Variants in ZNF710 observed in about 807,000 individuals in gnomAD.
ZNF710 encodes zinc finger protein 710.
Under a neutral mutation model 50.6 loss-of-function variants are expected in ZNF710, and 13 were observed. The ratio of observed to expected loss-of-function variants is 0.26; its 90% CI spans 0.17 to 0.41. The LOEUF (loss-of-function observed/expected upper bound fraction) is 0.41. Among genes scored for constraint, ZNF710 ranks in the 10% least tolerant of loss-of-function variants. The pLI is 1.00. For missense variants in ZNF710, 721 were observed against 936.6 expected (o/e 0.77, Z 3.01); for synonymous variants, 383 against 397.0 (o/e 0.96, Z 0.42).
chr15:90,073,996 A>C, intron 3 of ZNF710, 120 bp from the exon 4 acceptor site: 4 of 1,149,994 alleles, frequency 3.5e-6, no homozygotes, highest in Non-Finnish European at 4.6e-6. Flanking sequence ...TCTCAAAAAA[A>C]AAACAAAAAA....
intron 1 of ZNF710, among the ~76,000 whole-genome samples, chr15:90,008,897 G>A (rs1377419683): frequency 1.3e-5 from 2 of 152,162 alleles, no homozygotes; most frequent in Non-Finnish European, 2.9e-5. Context: ...TGTTGGAAAT[G>A]TGAGGATTTT....
At chr15:90,025,887 G>A (rs527619880) in intron 1 of ZNF710, 6 of 152,244 alleles carry the variant, frequency 3.9e-5, no homozygotes, top group African/African-American at 1.4e-4. Flanking sequence ...AGAATGTACT[G>A]ACAAATATTT....
In ZNF710 at chr15:90,068,664, A is replaced by G. The variant is rs1048796237; in HGVS notation, c.1458+69A>G. Reference sequence around the variant, plus strand: ...CCACTTTTTCATCCAGTACTTTCCAAAGTCCCAGATGGGACCATTTAGGTG... The same window carrying G: ...CCACTTTTTCATCCAGTACTTTCCAGAGTCCCAGATGGGACCATTTAGGTG... On this transcript the variant is annotated intron_variant, in intron 2 of 4. Transcript: ENST00000268154. This position sits in a 1 kb window ranked among gnomAD's most constrained non-coding sequence, Gnocchi z 5.0. 2.4e-5 allele frequency: 36 copies of G among 1,513,186 alleles called. No homozygotes were observed. The highest frequency in any genetic ancestry group is 1.1e-4 in the African/African-American group (8 of 72,582). The allele number at this position is 1,513,186 out of a possible 1,614,324, so 93.7% of individuals were successfully genotyped here. A position where few individuals can be genotyped will look rare whatever the true frequency, so the allele number is the denominator to read the frequency against.
rs1198676103 is a variant in ZNF710, at chr15:90,068,589, C to G, written c.1452C>G (p.Thr484=). 36 of 1,596,250 alleles carry G rather than the reference C, an allele frequency of 2.3e-5. No homozygotes were observed. In the East Asian group the frequency reaches 4.2e-4, roughly 19 times the overall value. The change falls in exon 2 of 5, where the codon ACC becomes ACG. Residue 484 remains threonine (T), a synonymous_variant. Transcript: ENST00000268154. This position sits in a 1 kb window ranked among gnomAD's most constrained non-coding sequence, Gnocchi z 5.0. ...ACCACCTCAAGCAGCACTCCCTCAC[C>G]CACAAGGTAAGGCCGTTCCCAGGGC... The part of the protein sequence containing the change: ...QIHHLKQHSL[T]HKGVKEFKCE...
rs777859859 is a variant in ZNF710, at chr15:90,079,751, G to A, written c.1917G>A (p.Ala639=). The change falls in exon 5 of 5, where the codon GCG becomes GCA. Residue 639 remains alanine (A), a synonymous_variant. Coordinates refer to ENST00000268154, the MANE Select transcript of ZNF710 (RefSeq NM_198526.4). ...TCGAGGAGAACGCCTACAGCTATGC[G>A]AGCGTGGACAGCAGCGCCGAGGCCA... The part of the protein sequence containing the change: ...EDFEENAYSY[A]SVDSSAEASV... 6 of 1,613,420 alleles carry A rather than the reference G, an allele frequency of 3.7e-6. No homozygotes were observed. Among genetic ancestry groups the A allele is most frequent in the African/African-American group, 1.3e-5 (1 of 74,872 alleles).
At chr15:90,019,442 AGAATCAC>A (rs1473598785) in intron 1 of ZNF710, among the ~76,000 whole-genome samples, 3 of 152,202 alleles carry the variant, frequency 2.0e-5, no homozygotes, top group Non-Finnish European at 2.9e-5. Context: ...TCTCCAGAAG[AGAATCAC>A]TGGGCCAAGG....
At chr15:90,001,686 G>A (rs1194027030) in intron 1 of ZNF710, 72 bp downstream of exon 1, 3 of 143,594 alleles carry the variant, frequency 2.1e-5, no homozygotes. Flanking sequence ...CGGCCGGCGG[G>A]GGCGCGGGGG....
At chr15:90,046,082 G>C (rs1899451519) in intron 1 of ZNF710, among the ~76,000 whole-genome samples, 1 of 152,132 alleles carries the variant, frequency 6.6e-6, no homozygotes, top group Non-Finnish European at 1.5e-5. Context: ...ATGGTCTCTG[G>C]GGGGACACAG....
At chr15:90,047,176 C>T (rs1334211148) in intron 1 of ZNF710, among the ~76,000 whole-genome samples, 1 of 151,974 alleles carries the variant, frequency 6.6e-6, no homozygotes, top group Non-Finnish European at 1.5e-5. Flanking sequence ...CCCAGTTTCC[C>T]AGGTGGCAGG....
chr15:90,008,865 T>C (rs548908466), intron 1 of ZNF710, among the ~76,000 whole-genome samples: 1 of 152,294 alleles, frequency 6.6e-6, no homozygotes, highest in African/African-American at 2.4e-5. Flanking sequence ...TGTGTGTTTA[T>C]TTCTGGGAGA....
intron 1 of ZNF710, among the ~76,000 whole-genome samples, chr15:90,044,454 A>C (rs977512249): frequency 1.3e-5 from 2 of 152,162 alleles, no homozygotes; most frequent in Non-Finnish European, 2.9e-5. Context: ...GGTCCACACG[A>C]CACAAGCTGG....
chr15:90,004,301 G>T (rs1201170738), intron 1 of ZNF710, among the ~76,000 whole-genome samples: 2 of 152,178 alleles, frequency 1.3e-5, no homozygotes, highest in Non-Finnish European at 2.9e-5. Context: ...GTTGTGTTTG[G>T]AAAGAAGCAC....
intron 1 of ZNF710, among the ~76,000 whole-genome samples, chr15:90,047,920 C>T (rs1337754560): frequency 6.6e-6 from 1 of 152,210 alleles, no homozygotes. Flanking sequence ...TATTTGGAAG[C>T]AGTCCCAGAG....
intron 1 of ZNF710, among the ~76,000 whole-genome samples, chr15:90,026,664 A>G (rs1442359458): frequency 6.6e-6 from 1 of 152,222 alleles, no homozygotes; most frequent in Non-Finnish European, 1.5e-5. Flanking sequence ...ATTCAATAAT[A>G]TATTAAACAA....
At chr15:90,046,821 G>A (rs989624830) in intron 1 of ZNF710, among the ~76,000 whole-genome samples, 7 of 152,198 alleles carry the variant, frequency 4.6e-5, no homozygotes, top group Non-Finnish European at 7.4e-5. Flanking sequence ...GTGGGTAAAG[G>A]TAGCAGGGAG....
At chr15:90,022,735 AT>A (rs1898660931) in intron 1 of ZNF710, among the ~76,000 whole-genome samples, 1 of 152,146 alleles carries the variant, frequency 6.6e-6, no homozygotes, top group Admixed American at 6.5e-5. Flanking sequence ...ATTCCTTTTC[AT>A]TTCGCCTAGA....
intron 1 of ZNF710, among the ~76,000 whole-genome samples, chr15:90,002,178 C>CA (rs1360563708): frequency 1.3e-5 from 2 of 151,470 alleles, no homozygotes; most frequent in African/African-American, 2.4e-5. Context: ...CGGCTGCCCA[C>CA]AAACTTTATT....
intron 1 of ZNF710, among the ~76,000 whole-genome samples, chr15:90,052,972 C>CGA (rs980910246): frequency 2.0e-5 from 3 of 151,296 alleles, no homozygotes; most frequent in Admixed American, 6.6e-5. Flanking sequence ...AATAAAATGT[C>CGA]TATCTCCCTG....
At chr15:90,053,113 C>T (rs892165047) in intron 1 of ZNF710, among the ~76,000 whole-genome samples, 2 of 152,198 alleles carry the variant, frequency 1.3e-5, no homozygotes, top group African/African-American at 4.8e-5. Flanking sequence ...TGGGAAAGCC[C>T]ATGAATTTTG....
Sources: allele counts gnomAD v4.1 joint callset (sites outside exome capture counted in the v4.1 genomes callset), GRCh38; gene constraint gnomAD v4.1.1; non-coding constraint Gnocchi (gnomAD v3.1); transcripts MANE v1.5; gene names NCBI Gene and HGNC (gene_info 2026-07-23, HGNC 2026-07-21).